The following CDH12 variants were observed in gnomAD, a reference collection of about 807,000 sequenced individuals.
The protein encoded by CDH12 is cadherin-12.
A neutral mutation model predicts 74.1 loss-of-function variants in CDH12; 41 were observed. The observed-to-expected ratio is 0.55, with a 90% CI of 0.43 to 0.72. The LOEUF (loss-of-function observed/expected upper bound fraction) is 0.72, where lower values mean the gene tolerates loss of function less well. Among genes scored for constraint, CDH12 ranks in the 30% least tolerant of loss-of-function variants. The pLI is 0.00. For missense variants in CDH12, 945 were observed against 977.2 expected (o/e 0.97, Z 0.44); for synonymous variants, 399 against 355.0 (o/e 1.12, Z -1.39).
At chr5:22,803,244 A>G (rs1367000030) in intron 1 of CDH12, among the ~76,000 whole-genome samples, 1 of 152,236 alleles carries the variant, frequency 6.6e-6, no homozygotes, top group Non-Finnish European at 1.5e-5. Flanking sequence ...TTATAATTTA[A>G]TCAAGAAACA....
chr5:22,611,209 C>T (rs1427563228), intron 1 of CDH12, among the ~76,000 whole-genome samples: 1 of 152,094 alleles, frequency 6.6e-6, no homozygotes, highest in East Asian at 1.9e-4. Flanking sequence ...GCACTTCTGA[C>T]TTATCCCAAA....
intron 6 of CDH12, among the ~76,000 whole-genome samples, chr5:21,881,967 C>T (rs1432928098): frequency 6.6e-6 from 1 of 152,072 alleles, no homozygotes; most frequent in East Asian, 1.9e-4. Flanking sequence ...AATGTAGATG[C>T]ATTTTGATAG....
intron 4 of CDH12, chr5:22,143,979 G>C (rs1410622478): frequency 6.6e-6 from 1 of 151,836 alleles, no homozygotes; most frequent in Non-Finnish European, 1.5e-5. Context: ...GTCAAGGAGA[G>C]TGCAGTCAAC....
chr5:22,645,610 T>C (rs552668102), intron 1 of CDH12, among the ~76,000 whole-genome samples: 157 of 152,188 alleles, frequency 1.0e-3, no homozygotes, highest in African/African-American at 3.6e-3. Flanking sequence ...AAGATTGATT[T>C]CAATTTGGAA....
At chr5:21,903,788 T>G (rs1181203239) in intron 6 of CDH12, among the ~76,000 whole-genome samples, 1 of 151,462 alleles carries the variant, frequency 6.6e-6, no homozygotes, top group Non-Finnish European at 1.5e-5. Context: ...AGTGAGAAAA[T>G]CTTCAAGAAG....
intron 6 of CDH12, among the ~76,000 whole-genome samples, chr5:21,926,867 C>T (rs899203114): frequency 4.6e-5 from 7 of 151,992 alleles, no homozygotes; most frequent in Non-Finnish European, 1.0e-4. Context: ...GTTGTTTTCA[C>T]TATAAAAAAT....
intron 6 of CDH12, among the ~76,000 whole-genome samples, chr5:21,972,949 C>T (rs1219752303): frequency 1.3e-5 from 2 of 151,294 alleles, no homozygotes; most frequent in African/African-American, 4.9e-5. Flanking sequence ...TGACTGTAAT[C>T]CCAGTGCTCT....
At chr5:22,670,473 A>G (rs1040947588) in intron 1 of CDH12, among the ~76,000 whole-genome samples, 2 of 152,176 alleles carry the variant, frequency 1.3e-5, no homozygotes, top group Non-Finnish European at 2.9e-5. Flanking sequence ...CTTAGATTAT[A>G]AATTCCTTCT....
At chr5:22,751,547 G>A (rs6885477) in intron 1 of CDH12, among the ~76,000 whole-genome samples, 3,744 of 151,852 alleles carry the variant, frequency 0.025, 71 homozygotes, top group Middle Eastern at 0.041. Flanking sequence ...AGCTGTTAGC[G>A]TCTGGAGTAT....
intron 1 of CDH12, among the ~76,000 whole-genome samples, chr5:22,547,920 T>G (rs1480367789): frequency 6.6e-6 from 1 of 152,200 alleles, no homozygotes; most frequent in African/African-American, 2.4e-5. Context: ...ACTCCATTAT[T>G]AATATTACAT....
chr5:22,613,929 T>C (rs954205749), intron 1 of CDH12, among the ~76,000 whole-genome samples: 1 of 152,158 alleles, frequency 6.6e-6, no homozygotes, highest in African/African-American at 2.4e-5. Flanking sequence ...TTCATTTCAA[T>C]TACAAAATGA....
intron 3 of CDH12, among the ~76,000 whole-genome samples, chr5:22,329,083 G>T (rs1446245701): frequency 6.6e-6 from 1 of 152,144 alleles, no homozygotes; most frequent in Non-Finnish European, 1.5e-5. Context: ...TATATTACAG[G>T]CTCAGTGAAT....
chr5:22,743,875 G>A (rs1284776417), intron 1 of CDH12, among the ~76,000 whole-genome samples: 1 of 146,760 alleles, frequency 6.8e-6, no homozygotes, highest in African/African-American at 2.5e-5. Flanking sequence ...CTACCTAAAG[G>A]TTTTTTTTTT....
intron 1 of CDH12, among the ~76,000 whole-genome samples, chr5:22,608,155 C>T (rs1737212867): frequency 6.6e-6 from 1 of 151,990 alleles, no homozygotes; most frequent in Non-Finnish European, 1.5e-5. Flanking sequence ...TGCAGACACT[C>T]AATGCCAGCC....
chr5:22,378,677 T>C (rs1487480138), intron 3 of CDH12, among the ~76,000 whole-genome samples: 1 of 152,094 alleles, frequency 6.6e-6, no homozygotes, highest in African/African-American at 2.4e-5. Flanking sequence ...GTTGTGTCTC[T>C]TTATATGAGC....
intron 1 of CDH12, among the ~76,000 whole-genome samples, chr5:22,647,969 C>T (rs1037516725): frequency 1.3e-5 from 2 of 151,826 alleles, no homozygotes; most frequent in African/African-American, 4.8e-5. Flanking sequence ...ACTTTAAGTA[C>T]ATTGCAATAT....
chr5:22,773,809 T>C (rs1003244572), intron 1 of CDH12, among the ~76,000 whole-genome samples: 2 of 151,748 alleles, frequency 1.3e-5, no homozygotes, highest in Admixed American at 6.6e-5. Flanking sequence ...AAAACATATA[T>C]AACCCTATTA....
Position 22,698,717 on chromosome 5 carries a change from ATATATATATATATATATAGTGTGTGTGT to A in CDH12, c.-523+154313_-523+154340del, listed in dbSNP as rs1288070418. Among the ~76,000 whole-genome samples the A allele has an allele frequency of 2.9e-4, 9 of 30,746 alleles. 1 individual carries two copies. Among genetic ancestry groups the A allele is most frequent in the Admixed American group, 9.5e-4 (3 of 3,166 alleles). 20.2% of individuals were successfully genotyped at this position (30,746 alleles called of 152,430 possible). On this transcript the variant is annotated intron_variant, in intron 1 of 14. Coordinates refer to ENST00000382254, the MANE Select transcript of CDH12 (RefSeq NM_004061.5). ...TATATATATATATATATATATATAT[ATATATATATATATATATAGTGTGTGTGT>A]GTGTGTGTGTGTGTGTGTGTGTGTG...
chr5:22,378,714 A>G (rs2126373659), intron 3 of CDH12, among the ~76,000 whole-genome samples: 1 of 152,252 alleles, frequency 6.6e-6, no homozygotes, highest in East Asian at 1.9e-4. Context: ...ATTTAAAAAT[A>G]AAATCAATAG....
Sources: allele counts gnomAD v4.1 joint callset (sites outside exome capture counted in the v4.1 genomes callset), GRCh38; gene constraint gnomAD v4.1.1; transcripts MANE v1.5; gene names NCBI Gene and HGNC (gene_info 2026-07-23, HGNC 2026-07-21).